Variants in JADE1 observed in about 807,000 individuals in gnomAD.
JADE1 encodes the protein protein Jade-1.
In JADE1, 14 loss-of-function variants were observed where a neutral mutation model predicts 81.8. That is an observed-to-expected ratio of 0.17 (90% confidence interval 0.11 to 0.27). The LOEUF (loss-of-function observed/expected upper bound fraction) is 0.27, where lower values mean the gene tolerates loss of function less well. Ranked by LOEUF, JADE1 falls within the 10% of genes least tolerant of loss-of-function variation. The pLI is 1.00. For synonymous variants in JADE1, 353 were observed against 391.9 expected (o/e 0.90, Z 1.17); for missense variants, 690 against 1,047.9 (o/e 0.66, Z 4.71).
At chr4:128,813,575 C>T (rs1048400980) in intron 1 of JADE1, among the ~76,000 whole-genome samples, 1 of 151,896 alleles carries the variant, frequency 6.6e-6, no homozygotes. Context: ...CGTGCCACCA[C>T]GGCTGGCTAA....
intron 4 of JADE1, among the ~76,000 whole-genome samples, chr4:128,847,258 T>C (rs941987631): frequency 6.6e-6 from 1 of 152,248 alleles, no homozygotes; most frequent in Non-Finnish European, 1.5e-5. Flanking sequence ...GGCACCTGGC[T>C]TCTCCGCCAT....
At chr4:128,817,355 A>G (rs1284421789) in intron 1 of JADE1, among the ~76,000 whole-genome samples, 1 of 152,144 alleles carries the variant, frequency 6.6e-6, no homozygotes, top group Non-Finnish European at 1.5e-5. Context: ...ATTTTAAACT[A>G]TTGATCATTT....
At chr4:128,815,257 T>G (rs1386515599) in intron 1 of JADE1, among the ~76,000 whole-genome samples, 19 of 151,614 alleles carry the variant, frequency 1.3e-4, no homozygotes, top group Admixed American at 1.2e-3. Flanking sequence ...CCCGCCACCA[T>G]GCCCAGCTAA....
rs775618201 is a variant in JADE1, at chr4:128,846,488, C to A, written c.252C>A (p.Val84=). ...GGAGACAGGAATGGGAGAAAGGGGT[C>A]CAGGTGCCTGTGAGCCCGGGGACCA... is the stretch of plus-strand genomic sequence containing the variant. ...DPWRQEWEKG[V]QVPVSPGTIP... The change falls in exon 4 of 11, where the codon GTC becomes GTA. Residue 84 remains valine (V), a synonymous_variant. Transcript: ENST00000226319. This position sits in a 1 kb window ranked among gnomAD's most constrained non-coding sequence, Gnocchi z 4.0. 3 of 1,614,136 alleles carry A rather than the reference C, an allele frequency of 1.9e-6. No homozygotes were observed. The highest frequency in any genetic ancestry group is 2.5e-6 in the Non-Finnish European group (3 of 1,180,032).
At chr4:128,828,184 A>G (rs1367790065) in intron 1 of JADE1, among the ~76,000 whole-genome samples, 1 of 152,196 alleles carries the variant, frequency 6.6e-6, no homozygotes, top group Non-Finnish European at 1.5e-5. Context: ...TGTCGGCTGC[A>G]TTATGTGCCA....
chr4:128,821,617 C>T (rs551002900), intron 1 of JADE1, among the ~76,000 whole-genome samples: 2 of 152,042 alleles, frequency 1.3e-5, no homozygotes, highest in African/African-American at 4.8e-5. Context: ...GCCTCAGCCT[C>T]CCGAGTAGAG....
intron 6 of JADE1, among the ~76,000 whole-genome samples, chr4:128,853,111 C>T (rs1730504051): frequency 6.6e-6 from 1 of 152,104 alleles, no homozygotes; most frequent in Non-Finnish European, 1.5e-5. Context: ...CTCCTGACCT[C>T]ATGATCCGCC....
rs1732281455 is a variant in JADE1 at position 128,872,646 on chromosome 4, T to A, written c.*384T>A. 3.9e-6 allele frequency: 1 copy of A among 255,202 alleles called. No individual in the cohort carries two copies. The highest frequency in any genetic ancestry group is 2.2e-5 in the African/African-American group (1 of 45,000). The allele number at this position is 255,202 out of a possible 1,614,324, so 15.8% of individuals were successfully genotyped here. On this transcript the variant is annotated 3_prime_UTR_variant, in exon 11 of 11. Coordinates refer to ENST00000226319, the MANE Select transcript of JADE1 (RefSeq NM_199320.4). ...CCTGAATATAGGGAACCAGATATGG[T>A]TCTTGAGAAACCCTCATGGTACCAT...
chr4:128,848,180 CT>C (rs900853746), intron 4 of JADE1, among the ~76,000 whole-genome samples: 3 of 151,802 alleles, frequency 2.0e-5, no homozygotes, highest in Non-Finnish European at 4.4e-5. Context: ...GTCTTATTTC[CT>C]TTTTTTTGTT....
rs369636156 is a variant in JADE1, at chr4:128,822,491, T to C, written c.-26-9242T>C. Among the ~76,000 whole-genome samples, 4 of 151,626 alleles carry C rather than the reference T, an allele frequency of 2.6e-5. No homozygotes were observed. The East Asian group carries it at 7.8e-4, about 30-fold the overall frequency. On this transcript the variant is annotated intron_variant, in intron 1 of 10. Coordinates refer to ENST00000226319, the MANE Select transcript of JADE1 (RefSeq NM_199320.4). ...ACTTTGGGAGGCCGAGGCGGGTGGA[T>C]CACCTGAGGTCAGAGTTCGAGACCA...
At position 128,873,273 on chromosome 4, in the gene JADE1, G is replaced by GAAAAAAAAAAAAAAAAAAAAAAAA. The variant is rs1553953485; in HGVS notation, c.*1018_*1019insAAAAAAAAAAAAAAAAAAAAAAAA. ...AGAAAAAGGAAAAAAAAAAAAAAAA[G>GAAAAAAAAAAAAAAAAAAAAAAAA]AAAAAAAGAAAAAAAAAAGAAAAAA... is the stretch of plus-strand genomic sequence containing the variant. On this transcript the variant is annotated 3_prime_UTR_variant, in exon 11 of 11. Transcript: ENST00000226319. The GAAAAAAAAAAAAAAAAAAAAAAAA allele has an allele frequency of 1.3e-5, 1 of 78,652 alleles. No homozygotes were observed. Among genetic ancestry groups the GAAAAAAAAAAAAAAAAAAAAAAAA allele is most frequent in the Non-Finnish European group, 2.7e-5 (1 of 37,288 alleles). The allele number at this position is 78,652 out of a possible 1,614,324, so 4.9% of individuals were successfully genotyped here.
intron 8 of JADE1, among the ~76,000 whole-genome samples, chr4:128,859,171 AGTGT>A (rs1240910110): frequency 6.6e-6 from 1 of 151,482 alleles, no homozygotes; most frequent in Non-Finnish European, 1.5e-5. Context: ...GATGAACTTG[AGTGT>A]GTGTGTGTAT....
At chr4:128,865,380 G>A (rs569889948) in intron 9 of JADE1, among the ~76,000 whole-genome samples, 1 of 152,296 alleles carries the variant, frequency 6.6e-6, no homozygotes, top group South Asian at 2.1e-4. Flanking sequence ...TAGGGGAAAG[G>A]GATGATCAGG....
chr4:128,820,441 A>G (rs1211269819), intron 1 of JADE1, among the ~76,000 whole-genome samples: 2 of 152,220 alleles, frequency 1.3e-5, no homozygotes, highest in Non-Finnish European at 2.9e-5. Context: ...TCTAGACACA[A>G]TCTGTGTTGT....
chr4:128,814,477 T>C (rs1332704640), intron 1 of JADE1, among the ~76,000 whole-genome samples: 6 of 152,166 alleles, frequency 3.9e-5, no homozygotes, highest in African/African-American at 1.4e-4. Flanking sequence ...AGATGACTAC[T>C]GTATTACTTT....
intron 1 of JADE1, among the ~76,000 whole-genome samples, chr4:128,826,474 C>T (rs1728080565): frequency 6.6e-6 from 1 of 151,982 alleles, no homozygotes. Context: ...TTTCCTGCCT[C>T]AGCCTCCTGA....
intron 1 of JADE1, among the ~76,000 whole-genome samples, chr4:128,828,658 G>A (rs1025606763): frequency 1.3e-5 from 2 of 152,142 alleles, no homozygotes; most frequent in African/African-American, 4.8e-5. Flanking sequence ...GTATTTATGT[G>A]TGTTTAGGTG....
At chr4:128,833,649 G>A (rs760614638) in intron 2 of JADE1, among the ~76,000 whole-genome samples, 17 of 152,134 alleles carry the variant, frequency 1.1e-4, no homozygotes, top group Non-Finnish European at 1.9e-4. Context: ...AGCCGAGATC[G>A]TGGCCCCTGT....
rs1337333825 is a variant in JADE1 at position 128,846,952 on chromosome 4, G to C, written c.296+420G>C. Among the ~76,000 whole-genome samples, 1 of 152,234 alleles carries C rather than the reference G, an allele frequency of 6.6e-6. No homozygotes were observed. The highest frequency in any genetic ancestry group is 1.5e-5 in the Non-Finnish European group (1 of 68,034). On this transcript the variant is annotated intron_variant, in intron 4 of 10. Transcript: ENST00000226319. The surrounding 1 kb of genome is among the most constrained non-coding windows in gnomAD (Gnocchi z 4.0). ...TTGTTGGGAACTAGCGCGGGCAGCTGCTCTGCCTACTGCGGTTGCCTCTGC... is the reference window on the plus strand; with the variant it reads ...TTGTTGGGAACTAGCGCGGGCAGCTCCTCTGCCTACTGCGGTTGCCTCTGC...
Sources: gnomAD v4.1 joint callset for allele counts (sites outside exome capture counted in the v4.1 genomes callset) on GRCh38, gnomAD v4.1.1 for gene constraint, Gnocchi (gnomAD v3.1) non-coding constraint, MANE v1.5 for transcripts, NCBI Gene and HGNC (gene_info 2026-07-23, HGNC 2026-07-21) for gene names.